CBFA2T3: variants seen among roughly 807,000 people sequenced by gnomAD.
The protein encoded by CBFA2T3 is transcriptional corepressor CBFA2T3.
A neutral mutation model predicts 58.6 loss-of-function variants in CBFA2T3; 31 were observed. That is an observed-to-expected ratio of 0.53 (90% CI 0.40 to 0.71). The LOEUF (loss-of-function observed/expected upper bound fraction) is 0.71, where lower values mean the gene tolerates loss of function less well. Ranked by LOEUF, CBFA2T3 falls within the 30% of genes least tolerant of loss-of-function variation. CBFA2T3 has a pLI of 0.00. For missense variants in CBFA2T3, 1,076 were observed against 963.1 expected (o/e 1.12, Z -1.55); for synonymous variants, 531 against 421.9 (o/e 1.26, Z -3.17).
intron 1 of CBFA2T3, chr16:88,938,045 C>T (rs981580918): frequency 3.9e-5 from 6 of 152,326 alleles, no homozygotes; most frequent in Non-Finnish European, 5.9e-5. Context: ...GGGCAGGAAG[C>T]AGAGGTGGGG....
At chr16:88,902,780 G>A (rs1372512662) in intron 1 of CBFA2T3, among the ~76,000 whole-genome samples, 1 of 152,200 alleles carries the variant, frequency 6.6e-6, no homozygotes, top group African/African-American at 2.4e-5. Context: ...CAGCGGCTTA[G>A]AGCAGCAAGG....
chr16:88,882,273 T>G (rs1251653701), intron 8 of CBFA2T3, among the ~76,000 whole-genome samples: 2 of 152,218 alleles, frequency 1.3e-5, no homozygotes, highest in South Asian at 4.1e-4. Context: ...TGGCCGTGTT[T>G]ATGCATAGGC....
In CBFA2T3 at chr16:88,896,661, C is replaced by T. The variant is rs1033684048; in HGVS notation, c.379+1417G>A. ...AGCCAGGCCAGGAGATGGCCCGTCA[C>T]CATGGGAGACCTCACTGCAGCGGGA... On this transcript the variant is annotated intron_variant, in intron 3 of 11. Coordinates refer to ENST00000268679, the MANE Select transcript of CBFA2T3 (RefSeq NM_005187.6). 5.0e-4 allele frequency among the ~76,000 whole-genome samples: 76 copies of T among 152,214 alleles called. 2 individuals carry two copies. The highest frequency in any genetic ancestry group is 4.4e-5 in the Non-Finnish European group (3 of 68,028).
At chr16:88,940,838 C>CG (rs926623963) in intron 1 of CBFA2T3, among the ~76,000 whole-genome samples, 10 of 152,144 alleles carry the variant, frequency 6.6e-5, no homozygotes, top group African/African-American at 1.7e-4. Context: ...GCTCTGCTCA[C>CG]GGGGGGCTGC....
At chr16:88,966,783 C>T (rs1972514848) in intron 1 of CBFA2T3, among the ~76,000 whole-genome samples, 2 of 152,158 alleles carry the variant, frequency 1.3e-5, no homozygotes, top group Non-Finnish European at 1.5e-5. Flanking sequence ...GTGCCCTGGC[C>T]CTGCCTGGCT....
chr16:88,903,677 T>TG (rs1202955917), intron 1 of CBFA2T3, among the ~76,000 whole-genome samples: 3 of 29,460 alleles, frequency 1.0e-4, no homozygotes, highest in South Asian at 1.2e-3. Flanking sequence ...GGGGCGTTCC[T>TG]GGGGGGGCAT....
At chr16:88,946,083 G>A (rs946846778) in intron 1 of CBFA2T3, among the ~76,000 whole-genome samples, 5 of 152,086 alleles carry the variant, frequency 3.3e-5, no homozygotes, top group African/African-American at 7.2e-5. Context: ...CGAAGGGGGC[G>A]GATCACCTGA....
chr16:88,891,836 C>A (rs1364298254), intron 5 of CBFA2T3, 46 bp downstream of exon 5: 2 of 1,351,362 alleles, frequency 1.5e-6, no homozygotes, highest in African/African-American at 1.5e-5. Flanking sequence ...GATTAAGGGG[C>A]CTTCTAGGGA....
chr16:88,882,685 G>C lies in CBFA2T3; in HGVS notation c.1194C>G (p.His398Gln), dbSNP rs762400053. The change falls in exon 8 of 12, where the codon CAC (histidine) becomes CAG (glutamine). Residue 398 changes from histidine to glutamine, a missense_variant. By Grantham distance (24) the His-to-Gln change is conservative. Transcript: ENST00000268679. ...TEREWAEEWK[H>Q]LNNLLNCIMD... ...GTGTGTGGACACTCACGTTGTTGAGGTGCTTCCACTCTTCTGCCCACTCAC... is the reference window on the plus strand; with the variant it reads ...GTGTGTGGACACTCACGTTGTTGAGCTGCTTCCACTCTTCTGCCCACTCAC... 15 of 1,583,058 alleles carry C rather than the reference G, an allele frequency of 9.5e-6. No individual in the cohort carries two copies. The highest frequency in any genetic ancestry group is 1.3e-5 in the Non-Finnish European group (15 of 1,164,146).
At chr16:88,960,336 G>A (rs1972327191) in intron 1 of CBFA2T3, among the ~76,000 whole-genome samples, 1 of 152,240 alleles carries the variant, frequency 6.6e-6, no homozygotes, top group Non-Finnish European at 1.5e-5. Flanking sequence ...CCAGGTGCCA[G>A]GTCGACGGGG....
chr16:88,887,476 G>A (rs768330807), intron 5 of CBFA2T3, among the ~76,000 whole-genome samples: 5 of 152,190 alleles, frequency 3.3e-5, no homozygotes, highest in Admixed American at 6.5e-5. Context: ...GCTGGGAGCC[G>A]GGGCGGTGGG....
At chr16:88,913,330 C>A (rs993702986) in intron 1 of CBFA2T3, among the ~76,000 whole-genome samples, 1 of 152,222 alleles carries the variant, frequency 6.6e-6, no homozygotes, top group African/African-American at 2.4e-5. Context: ...CCAGCCACGC[C>A]CAGAAGAACC....
intron 3 of CBFA2T3, among the ~76,000 whole-genome samples, chr16:88,893,914 C>T (rs907190816): frequency 6.6e-6 from 1 of 152,170 alleles, no homozygotes; most frequent in African/African-American, 2.4e-5. Context: ...GAAGGCAGGT[C>T]AGAGGTCACA....
intron 1 of CBFA2T3, among the ~76,000 whole-genome samples, chr16:88,947,336 A>G (rs554443351): frequency 6.6e-6 from 1 of 152,226 alleles, no homozygotes; most frequent in Non-Finnish European, 1.5e-5. Context: ...TAAAAGACAG[A>G]TACAAACAGA....
chr16:88,965,017 C>T (rs1399780161), intron 1 of CBFA2T3, among the ~76,000 whole-genome samples: 1 of 150,840 alleles, frequency 6.6e-6, no homozygotes, highest in East Asian at 2.0e-4. Context: ...TCCATCCATC[C>T]ACCCACCACC....
intron 1 of CBFA2T3, chr16:88,938,146 C>A (rs774224040): frequency 1.3e-5 from 2 of 152,272 alleles, no homozygotes; most frequent in African/African-American, 4.8e-5. Flanking sequence ...TTCTCCCACC[C>A]GTGCCCTGAC....
chr16:88,884,930 G>T (rs1428837336), intron 7 of CBFA2T3, 116 bp downstream of exon 7: 21 of 738,942 alleles, frequency 2.8e-5, no homozygotes, highest in Non-Finnish European at 4.3e-5. Context: ...GGTCTCCCGA[G>T]CTCAGGTGCA....
At chr16:88,936,271 G>A (rs868818746) in intron 1 of CBFA2T3, among the ~76,000 whole-genome samples, 16 of 152,136 alleles carry the variant, frequency 1.1e-4, no homozygotes, top group South Asian at 2.1e-4. Context: ...CCTGGTCTCC[G>A]GCAGGTCCCA....
intron 10 of CBFA2T3, among the ~76,000 whole-genome samples, chr16:88,880,408 G>A (rs1378236156): frequency 1.3e-5 from 2 of 152,178 alleles, no homozygotes; most frequent in African/African-American, 2.4e-5. Context: ...CTCTGGCCCC[G>A]CGTGCCTGAC....
Sources: gnomAD v4.1 joint callset for allele counts (sites outside exome capture counted in the v4.1 genomes callset) on GRCh38, gnomAD v4.1.1 for gene constraint, MANE v1.5 for transcripts, NCBI Gene and HGNC (gene_info 2026-07-23, HGNC 2026-07-21) for gene names.